The following LPP variants were observed in gnomAD, a reference collection of about 807,000 sequenced individuals.
LPP encodes LIM domain containing preferred translocation partner in lipoma.
In LPP, 38 loss-of-function variants were observed where a neutral mutation model predicts 60.4. That is an observed-to-expected ratio of 0.63 (90% CI 0.49 to 0.83). The LOEUF is 0.83. Ranked by LOEUF, LPP falls within the 40% of genes least tolerant of loss-of-function variation. The pLI is 0.00. For synonymous variants in LPP, 328 were observed against 290.8 expected, an observed-to-expected ratio of 1.13 and a Z score of -1.30; for missense variants, 902 against 783.6, an observed-to-expected ratio of 1.15 and a Z score of -1.80.
intron 7 of LPP, among the ~76,000 whole-genome samples, chr3:188,690,670 A>G (rs1235438506): frequency 2.0e-5 from 3 of 152,196 alleles, no homozygotes; most frequent in Admixed American, 6.5e-5. Flanking sequence ...TGGTAGAAGG[A>G]GAGAATAGTC....
At chr3:188,744,855 A>C (rs1229902568) in intron 8 of LPP, among the ~76,000 whole-genome samples, 1 of 152,082 alleles carries the variant, frequency 6.6e-6, no homozygotes, top group East Asian at 1.9e-4. Context: ...AATCCTTTTT[A>C]GTCTGTCTTG....
chr3:188,438,661 T>G lies in LPP; in HGVS notation c.193+32348T>G, dbSNP rs575340462. 1.7e-4 allele frequency among the ~76,000 whole-genome samples: 26 copies of G among 152,274 alleles called. No individual in the cohort carries two copies. In the South Asian group the frequency reaches 5.2e-3, roughly 30 times the overall value. On this transcript the variant is annotated intron_variant, in intron 4 of 11. Transcript: ENST00000617246. ...ACTAGAATCTCATAGGTTTTTGAAC[T>G]TATTAGGCAGACCTAAGGTTTTTTA...
intron 7 of LPP, among the ~76,000 whole-genome samples, chr3:188,663,857 G>A (rs367777250): frequency 6.6e-6 from 1 of 152,006 alleles, no homozygotes; most frequent in South Asian, 2.1e-4. Flanking sequence ...CCTTACATGC[G>A]CAGTTCACAA....
intron 6 of LPP, among the ~76,000 whole-genome samples, chr3:188,575,757 C>T (rs991620311): frequency 9.2e-5 from 14 of 152,088 alleles, no homozygotes; most frequent in African/African-American, 2.9e-4. Flanking sequence ...ATTAAATTAG[C>T]GCTGCTGATG....
chr3:188,512,043 A>G (rs570612990), intron 5 of LPP, among the ~76,000 whole-genome samples: 2 of 152,326 alleles, frequency 1.3e-5, no homozygotes, highest in South Asian at 2.1e-4. Context: ...CCTTCACTAT[A>G]CAAACTACCT....
At chr3:188,166,647 A>G (rs1027280750) in intron 1 of LPP, among the ~76,000 whole-genome samples, 2 of 152,236 alleles carry the variant, frequency 1.3e-5, no homozygotes, top group African/African-American at 2.4e-5. Flanking sequence ...CAAGTTAAAC[A>G]TTGAACCAGG....
intron 8 of LPP, among the ~76,000 whole-genome samples, chr3:188,751,755 C>T (rs1728145077): frequency 6.6e-6 from 1 of 152,064 alleles, no homozygotes; most frequent in African/African-American, 2.4e-5. Context: ...AATGATAGAA[C>T]CTACATCATA....
intron 4 of LPP, among the ~76,000 whole-genome samples, chr3:188,463,446 G>C (rs1799627373): frequency 6.6e-6 from 1 of 151,998 alleles, no homozygotes. Context: ...ATCCTCAAGT[G>C]ATTAACCTAG....
At chr3:188,860,458 G>A (rs545920534) in intron 9 of LPP, among the ~76,000 whole-genome samples, 3 of 152,054 alleles carry the variant, frequency 2.0e-5, no homozygotes, top group South Asian at 2.1e-4. Context: ...TTCAGCACAC[G>A]GAGTAAGTGG....
chr3:188,374,482 A>T (rs572486130), intron 3 of LPP, among the ~76,000 whole-genome samples: 6 of 152,208 alleles, frequency 3.9e-5, no homozygotes, highest in African/African-American at 1.2e-4. Flanking sequence ...TGTGAACGGG[A>T]GTTCACTCAT....
At chr3:188,361,535 TCCTCTCCTCC>T (rs1281415710) in intron 3 of LPP, among the ~76,000 whole-genome samples, 2 of 121,484 alleles carry the variant, frequency 1.6e-5, no homozygotes, top group Non-Finnish European at 1.8e-5. Context: ...TCCTCTCCTC[TCCTCTCCTCC>T]CCTCTCCTCT....
At chr3:188,287,602 C>T (rs183487969) in intron 2 of LPP, among the ~76,000 whole-genome samples, 21 of 151,990 alleles carry the variant, frequency 1.4e-4, no homozygotes, top group East Asian at 7.8e-4. Flanking sequence ...GGGGGACTGG[C>T]GGAGGTGGGG....
chr3:188,752,247 C>T (rs1728337091), intron 8 of LPP, among the ~76,000 whole-genome samples: 1 of 152,064 alleles, frequency 6.6e-6, no homozygotes, highest in Non-Finnish European at 1.5e-5. Flanking sequence ...TAGAAACTCA[C>T]CAAGTGCATT....
chr3:188,492,302 C>T (rs1808608117), intron 5 of LPP, among the ~76,000 whole-genome samples: 1 of 152,072 alleles, frequency 6.6e-6, no homozygotes, highest in African/African-American at 2.4e-5. Context: ...ATTTGTCTCT[C>T]CCATCAAGAG....
chr3:188,190,991 G>C (rs1021413969), intron 1 of LPP, among the ~76,000 whole-genome samples: 4 of 152,316 alleles, frequency 2.6e-5, no homozygotes, highest in East Asian at 1.9e-4. Context: ...CAGCACTTTG[G>C]GGGGCCGAGG....
chr3:188,803,549 A>G (rs1747989055), intron 9 of LPP, among the ~76,000 whole-genome samples: 1 of 152,240 alleles, frequency 6.6e-6, no homozygotes, highest in Non-Finnish European at 1.5e-5. Flanking sequence ...CAATTGTTCC[A>G]GCACCATTTG....
At chr3:188,511,622 A>C (rs770372938) in intron 5 of LPP, among the ~76,000 whole-genome samples, 13 of 152,146 alleles carry the variant, frequency 8.5e-5, no homozygotes, top group Non-Finnish European at 1.9e-4. Context: ...TGATTTCCAA[A>C]TTCCAATTCT....
intron 7 of LPP, among the ~76,000 whole-genome samples, chr3:188,693,241 A>G (rs1014329161): frequency 6.6e-6 from 1 of 152,184 alleles, no homozygotes; most frequent in Non-Finnish European, 1.5e-5. Context: ...GCTCCTTCTC[A>G]TATCAGCTCT....
At chr3:188,188,432 A>G (rs1481100472) in intron 1 of LPP, among the ~76,000 whole-genome samples, 1 of 152,212 alleles carries the variant, frequency 6.6e-6, no homozygotes, top group Non-Finnish European at 1.5e-5. Flanking sequence ...GGGTCAGCCA[A>G]CACTCCATGA....
Sources: gnomAD v4.1 joint callset for allele counts (sites outside exome capture counted in the v4.1 genomes callset) on GRCh38, gnomAD v4.1.1 for gene constraint, MANE v1.5 for transcripts, NCBI Gene and HGNC (gene_info 2026-07-23, HGNC 2026-07-21) for gene names.